COL11A2: variants seen among roughly 807,000 people sequenced by gnomAD.
COL11A2 encodes the protein collagen type XI alpha 2 chain.
In COL11A2, 116 loss-of-function variants were observed where a neutral mutation model predicts 273.4. The observed-to-expected ratio is 0.42, with a 90% CI of 0.36 to 0.49. COL11A2 has a LOEUF of 0.49. Ranked by LOEUF, COL11A2 falls within the 20% of genes least tolerant of loss-of-function variation. The probability of loss-of-function intolerance (pLI) is 0.00; values close to 1 mark genes in which losing one functional copy is unlikely to be tolerated. For missense variants in COL11A2, 1,866 were observed against 2,309.0 expected (o/e 0.81, Z 3.93); for synonymous variants, 782 against 864.2 (o/e 0.90, Z 1.67).
intron 1 of COL11A2, among the ~76,000 whole-genome samples, chr6:33,191,407 A>G (rs2150633343): frequency 6.6e-6 from 1 of 152,358 alleles, no homozygotes; most frequent in South Asian, 2.1e-4. Context: ...CCTTGACATC[A>G]AATCCCCTTT....
upstream of COL11A2, chr6:33,192,528 G>A (rs1021724342): frequency 1.4e-4 from 57 of 393,902 alleles, no homozygotes; most frequent in Admixed American, 8.0e-4. Context: ...CCCGGCCCCC[G>A]CCTCCAGCCG....
Position 33,173,194 on chromosome 6 carries a change from C to A in COL11A2, c.2737-81G>T. The A allele has an allele frequency of 1.9e-6, 3 of 1,547,178 alleles. No individual in the cohort carries two copies. The highest frequency in any genetic ancestry group is 1.4e-5 in the African/African-American group (1 of 73,624). The stretch of plus-strand genomic sequence containing the variant: ...GATTCCCAGGAGGAAGGATCCCAGG[C>A]AGGATCACACCAAGCCCTGGGCCCT... On this transcript the variant is annotated intron_variant, in intron 37 of 65. Transcript: ENST00000341947. The surrounding 1 kb of genome is among the most constrained non-coding windows in gnomAD (Gnocchi z 6.3).
Position 33,165,783 on chromosome 6 carries a change from T to TG in COL11A2, c.4515dup (p.Ile1506HisfsTer21). On this transcript the variant is annotated frameshift_variant, in exon 63 of 66. Transcript: ENST00000341947. LOFTEE classifies it high-confidence loss of function. The surrounding 1 kb of genome is among the most constrained non-coding windows in gnomAD (Gnocchi z 7.7). The stretch of plus-strand genomic sequence containing the variant: ...CGCCGAGTCTTCTTGGGCATCTGAA[T>TG]GGGCAGTGGCTGGATCACCTCGCCT... 6.2e-7 allele frequency: 1 copy of TG among 1,612,934 alleles called. No individual in the cohort carries two copies. The highest frequency in any genetic ancestry group is 8.5e-7 in the Non-Finnish European group (1 of 1,179,926).
intron 54 of COL11A2, among the ~76,000 whole-genome samples, chr6:33,168,194 C>T (rs1164947211): frequency 6.6e-6 from 1 of 152,082 alleles, no homozygotes; most frequent in Non-Finnish European, 1.5e-5. Flanking sequence ...CCACCACTAC[C>T]CCTGGTGAAA....
At position 33,167,647 on chromosome 6, in the gene COL11A2, G is replaced by A. The variant is rs938323070; in HGVS notation, c.4015-114C>T. 4.8e-6 allele frequency: 7 copies of A among 1,454,208 alleles called. No homozygotes were observed. The highest frequency in any genetic ancestry group is 1.9e-5 in the Admixed American group (1 of 52,726). The allele number at this position is 1,454,208 out of a possible 1,614,324, so 90.1% of individuals were successfully genotyped here. On this transcript the variant is annotated intron_variant, in intron 55 of 65. Transcript: ENST00000341947. This position sits in a 1 kb window ranked among gnomAD's most constrained non-coding sequence, Gnocchi z 6.1. The stretch of plus-strand genomic sequence containing the variant: ...AGGGAGGAAGGGCCAAACTCTAGGA[G>A]CCCCTAGCGCAGGAACAAGTACAGG...
chr6:33,178,553 C>T lies in COL11A2; in HGVS notation c.1720-65G>A. The T allele has an allele frequency of 6.2e-7, 1 of 1,610,698 alleles. No homozygotes were observed. Among genetic ancestry groups the T allele is most frequent in the Non-Finnish European group, 8.5e-7 (1 of 1,178,078 alleles). On this transcript the variant is annotated intron_variant, in intron 18 of 65. Transcript: ENST00000341947. The surrounding 1 kb of genome is among the most constrained non-coding windows in gnomAD (Gnocchi z 4.6). The stretch of plus-strand genomic sequence containing the variant: ...CCCAACACAGGCAGACACCGAACCT[C>T]TGCACTTAGCCCATCCATTACTTTC...
rs553538232 is a variant in COL11A2 at position 33,167,978 on chromosome 6, C to T, written c.3961-126G>A. 39 of 963,204 alleles carry T rather than the reference C, an allele frequency of 4.0e-5. No individual in the cohort carries two copies. Among genetic ancestry groups the T allele is most frequent in the Non-Finnish European group, 4.9e-5 (30 of 615,210 alleles). 59.7% of individuals were successfully genotyped at this position (963,204 alleles called of 1,614,324 possible). A position where few individuals can be genotyped will look rare whatever the true frequency, so the allele number is the denominator to read the frequency against. ...ACACGTGCATACACAGGGACACGCG[C>T]CGAGGGCCGATTCACAGATGTGCAG... is the stretch of plus-strand genomic sequence containing the variant. On this transcript the variant is annotated intron_variant, in intron 54 of 65. Coordinates refer to ENST00000341947, the MANE Select transcript of COL11A2 (RefSeq NM_080680.3). The surrounding 1 kb of genome is among the most constrained non-coding windows in gnomAD (Gnocchi z 6.1).
rs773329088 is a variant in COL11A2 at position 33,171,725 on chromosome 6, C to T, written c.3138G>A (p.Glu1046=). The part of the protein sequence containing the change: ...GPQGPPGAAG[E]KGVPGEKGPI... ...CCCCCACACTCACTGGGACACCTTTCTCTCCTGCTGCTCCAGGGGGACCCT... is the reference window on the plus strand; with the variant it reads ...CCCCCACACTCACTGGGACACCTTTTTCTCCTGCTGCTCCAGGGGGACCCT... The change falls in exon 42 of 66, where the codon GAG becomes GAA. Residue 1046 remains glutamate (E), a synonymous_variant. Coordinates refer to ENST00000341947, the MANE Select transcript of COL11A2 (RefSeq NM_080680.3). 2 of 1,612,848 alleles carry T rather than the reference C, an allele frequency of 1.2e-6. No homozygotes were observed. The highest frequency in any genetic ancestry group is 2.2e-5 in the East Asian group (1 of 44,872).
At position 33,164,225 on chromosome 6, in the gene COL11A2, G is replaced by A; in HGVS notation, c.5070+42C>T. 1 of 1,607,940 alleles carries A rather than the reference G, an allele frequency of 6.2e-7. No individual in the cohort carries two copies. The stretch of plus-strand genomic sequence containing the variant: ...TCTTCCCACCTCCTTCCTCCAGCCT[G>A]AGTCTGAGATCAGCCCCCAACCCAG... On this transcript the variant is annotated intron_variant, in intron 65 of 65. Transcript: ENST00000341947. This position sits in a 1 kb window ranked among gnomAD's most constrained non-coding sequence, Gnocchi z 4.7.
chr6:33,163,581 G>GA lies in COL11A2; in HGVS notation c.*96dup. 1.9e-6 allele frequency: 3 copies of GA among 1,580,052 alleles called. No homozygotes were observed. The highest frequency in any genetic ancestry group is 2.6e-6 in the Non-Finnish European group (3 of 1,150,388). ...CCACGCCCTGGCCCAGGGCTCCCTAGATAGTGAGGAGCCCTCTTGGGAGGT... is the reference window on the plus strand; with the variant it reads ...CCACGCCCTGGCCCAGGGCTCCCTAGAATAGTGAGGAGCCCTCTTGGGAGGT... On this transcript the variant is annotated 3_prime_UTR_variant, in exon 66 of 66. Transcript: ENST00000341947. This position sits in a 1 kb window ranked among gnomAD's most constrained non-coding sequence, Gnocchi z 4.1.
At chr6:33,180,211 C>A (rs749490768) in intron 12 of COL11A2, 47 bp downstream of exon 12, 1 of 1,563,066 alleles carries the variant, frequency 6.4e-7, no homozygotes, top group South Asian at 1.1e-5. Flanking sequence ...TGACACAATT[C>A]CTTGTCTTCC....
In COL11A2 at chr6:33,167,735, C is replaced by T. The variant is rs1025585464; in HGVS notation, c.4014+64G>A. The T allele has an allele frequency of 7.9e-5, 125 of 1,589,420 alleles. 2 individuals are homozygous for T. The highest frequency in any genetic ancestry group is 4.6e-4 in the South Asian group (41 of 89,718). On this transcript the variant is annotated intron_variant, in intron 55 of 65. Coordinates refer to ENST00000341947, the MANE Select transcript of COL11A2 (RefSeq NM_080680.3). This position sits in a 1 kb window ranked among gnomAD's most constrained non-coding sequence, Gnocchi z 6.1. Reference sequence around the variant, plus strand: ...TGGAGATGGGGTGGGCATCTGGAGACGGAGGCATCTGAGGGGTGGGAGGCG... The same window carrying T: ...TGGAGATGGGGTGGGCATCTGGAGATGGAGGCATCTGAGGGGTGGGAGGCG...
chr6:33,185,941 T>A (rs1772366867), intron 5 of COL11A2, among the ~76,000 whole-genome samples, 163 bp from the exon 6 acceptor site: 1 of 150,258 alleles, frequency 6.7e-6, no homozygotes, highest in Non-Finnish European at 1.5e-5. Flanking sequence ...AGGTTGAGGG[T>A]CAGGAGGGAG....
At chr6:33,174,621 C>T (rs753046236) in intron 30 of COL11A2, 41 bp from the exon 31 acceptor site, 32 of 1,598,578 alleles carry the variant, frequency 2.0e-5, no homozygotes, top group Non-Finnish European at 2.7e-5. Flanking sequence ...AGAGGAGGCC[C>T]AGATGCCACT....
At chr6:33,175,985 G>A (rs745970420) in intron 29 of COL11A2, 31 bp downstream of exon 29, 1 of 1,612,608 alleles carries the variant, frequency 6.2e-7, no homozygotes, top group South Asian at 1.1e-5. Flanking sequence ...GTAGAACACG[G>A]AATTGGGGCC....
Position 33,172,446 on chromosome 6 carries a change from C to T in COL11A2, c.2899-68G>A, listed in dbSNP as rs889357666. On this transcript the variant is annotated intron_variant, in intron 39 of 65. Coordinates refer to ENST00000341947, the MANE Select transcript of COL11A2 (RefSeq NM_080680.3). Reference sequence around the variant, plus strand: ...AATTAAACAGAGAGCTCTCCAGCCCCCCCTCAAATCTCCAACTACCTGTTC... The same window carrying T: ...AATTAAACAGAGAGCTCTCCAGCCCTCCCTCAAATCTCCAACTACCTGTTC... The T allele has an allele frequency of 1.1e-5, 17 of 1,552,882 alleles. No individual in the cohort carries two copies. The Admixed American group carries it at 3.0e-4, about 27-fold the overall frequency.
In COL11A2 at chr6:33,169,096, T is replaced by C. The variant is rs1309891206; in HGVS notation, c.3799-88A>G. 1 of 1,277,628 alleles carries C rather than the reference T, an allele frequency of 7.8e-7. No individual in the cohort carries two copies. Among genetic ancestry groups the C allele is most frequent in the East Asian group, 2.3e-5 (1 of 42,646 alleles). The allele number at this position is 1,277,628 out of a possible 1,614,324, so 79.1% of individuals were successfully genotyped here. A position where few individuals can be genotyped will look rare whatever the true frequency, so the allele number is the denominator to read the frequency against. Reference sequence around the variant, plus strand: ...CCACAGGCACACGCCACTGCCTCTCTAGAGGCAGTGCCCACCAGTACCCCC... The same window carrying C: ...CCACAGGCACACGCCACTGCCTCTCCAGAGGCAGTGCCCACCAGTACCCCC... On this transcript the variant is annotated intron_variant, in intron 51 of 65. Coordinates refer to ENST00000341947, the MANE Select transcript of COL11A2 (RefSeq NM_080680.3). This position sits in a 1 kb window ranked among gnomAD's most constrained non-coding sequence, Gnocchi z 5.5.
At chr6:33,168,459 G>C in intron 54 of COL11A2, 60 bp downstream of exon 54, 1 of 1,585,262 alleles carries the variant, frequency 6.3e-7, no homozygotes, top group Non-Finnish European at 8.7e-7. Context: ...CCATTGCCCA[G>C]CCTCCACCCA....
Position 33,179,831 on chromosome 6 carries a change from G to A in COL11A2, c.1360-26C>T, listed in dbSNP as rs1771496697. 2 of 1,598,434 alleles carry A rather than the reference G, an allele frequency of 1.3e-6. No individual in the cohort carries two copies. The highest frequency in any genetic ancestry group is 1.7e-6 in the Non-Finnish European group (2 of 1,172,406). ...CTGAGGTCAAGGAGAGAAGGTCCAG[G>A]TTCTCTTCCAAGAAAGCCATGGGAC... On this transcript the variant is annotated intron_variant, in intron 12 of 65. Coordinates refer to ENST00000341947, the MANE Select transcript of COL11A2 (RefSeq NM_080680.3). This position sits in a 1 kb window ranked among gnomAD's most constrained non-coding sequence, Gnocchi z 6.4.
Sources: allele counts gnomAD v4.1 joint callset (sites outside exome capture counted in the v4.1 genomes callset), GRCh38; gene constraint gnomAD v4.1.1; non-coding constraint Gnocchi (gnomAD v3.1); transcripts MANE v1.5; gene names NCBI Gene and HGNC (gene_info 2026-07-23, HGNC 2026-07-21).